The following GRAMD1B variants were observed in gnomAD, a reference collection of about 807,000 sequenced individuals.
GRAMD1B encodes GRAM domain containing 1B.
A neutral mutation model predicts 99.7 loss-of-function variants in GRAMD1B; 37 were observed. That is an observed-to-expected ratio of 0.37 (90% CI 0.29 to 0.49). GRAMD1B has a LOEUF of 0.49. Among genes scored for constraint, GRAMD1B ranks in the 20% least tolerant of loss-of-function variants. The pLI, the probability that GRAMD1B is intolerant of heterozygous loss-of-function variation, is 0.98. For missense variants in GRAMD1B, 888 were observed against 1,009.2 expected (o/e 0.88, Z 1.63); for synonymous variants, 427 against 387.6 (o/e 1.10, Z -1.19).
At chr11:123,619,419 A>G (rs1354693131) in intron 19 of GRAMD1B, 195 bp downstream of exon 19, 2 of 1,409,240 alleles carry the variant, frequency 1.4e-6, no homozygotes, top group Middle Eastern at 1.9e-4. Flanking sequence ...GGTGTATTCT[A>G]AAAAATAAGA....
In GRAMD1B at chr11:123,541,597, G is replaced by A. The variant is rs145399992; in HGVS notation, c.453-35770G>A. Among the ~76,000 whole-genome samples, 591 of 141,004 alleles carry A rather than the reference G, an allele frequency of 4.2e-3. 2 individuals carry two copies. The highest frequency in any genetic ancestry group is 0.015 in the African/African-American group (556 of 37,752). 92.5% of individuals were successfully genotyped at this position (141,004 alleles called of 152,430 possible). A position where few individuals can be genotyped will look rare whatever the true frequency, so the allele number is the denominator to read the frequency against. On this transcript the variant is annotated intron_variant, in intron 2 of 19. Coordinates refer to ENST00000635736, the MANE Select transcript of GRAMD1B (RefSeq NM_001387025.1). ...GTTGACTTGTTTGTCTTTTTTATTC[G>A]TTGGAACTCTTTAATAAAGATATTA...
Position 123,598,769 on chromosome 11 carries a change from T to C in GRAMD1B, c.970-1699T>C, listed in dbSNP as rs867501595. On this transcript the variant is annotated intron_variant, in intron 7 of 19. Coordinates refer to ENST00000635736, the MANE Select transcript of GRAMD1B (RefSeq NM_001387025.1). ...GAGCACTGCTTGTCTCTTTCGGCCATCCAGGAAAGATCCCATTCTCCCATT... is the reference window on the plus strand; with the variant it reads ...GAGCACTGCTTGTCTCTTTCGGCCACCCAGGAAAGATCCCATTCTCCCATT... The C allele has an allele frequency of 6.6e-5, 62 of 932,774 alleles. No homozygotes were observed. In the Middle Eastern group the frequency reaches 5.1e-3, roughly 77 times the overall value. 57.8% of individuals were successfully genotyped at this position (932,774 alleles called of 1,614,324 possible).
chr11:123,403,452 AT>A (rs1285340780), intron 1 of GRAMD1B, among the ~76,000 whole-genome samples: 736 of 49,460 alleles, frequency 0.015, 8 homozygotes, highest in African/African-American at 0.069. Context: ...GATGATGATA[AT>A]AATAATAATA....
chr11:123,498,004 C>G (rs1483829270), intron 2 of GRAMD1B, among the ~76,000 whole-genome samples: 5 of 152,156 alleles, frequency 3.3e-5, no homozygotes, highest in African/African-American at 1.2e-4. Context: ...GGAGCCTCTC[C>G]CTGTGGCCAC....
chr11:123,622,064 A>G (rs1955204909), intron 19 of GRAMD1B, among the ~76,000 whole-genome samples: 1 of 150,356 alleles, frequency 6.7e-6, no homozygotes, highest in African/African-American at 2.5e-5. Flanking sequence ...TCTGTTGCCC[A>G]GGCTGGAGTG....
intron 1 of GRAMD1B, among the ~76,000 whole-genome samples, chr11:123,421,961 ATTTTCATACATCAG>A (rs1948453498): frequency 1.3e-5 from 2 of 152,220 alleles, no homozygotes; most frequent in African/African-American, 4.8e-5. Flanking sequence ...TTAAATCTGT[ATTTTCATACATCAG>A]GATTGCTTAA....
chr11:123,495,387 C>G lies in GRAMD1B; in HGVS notation c.452+14494C>G, dbSNP rs374655295. ...ACAGCATGGAAGATAGGGTGTCCAT[C>G]CCCTCAAGCATGTATTCTTTGTGTT... On this transcript the variant is annotated intron_variant, in intron 2 of 19. Transcript: ENST00000635736. 9.9e-5 allele frequency among the ~76,000 whole-genome samples: 15 copies of G among 152,206 alleles called. No individual in the cohort carries two copies. The East Asian group carries it at 1.5e-3, about 16-fold the overall frequency.
intron 2 of GRAMD1B, among the ~76,000 whole-genome samples, chr11:123,520,752 C>T (rs1449526881): frequency 7.2e-6 from 1 of 138,570 alleles, no homozygotes; most frequent in African/African-American, 2.8e-5. Context: ...GCACTCCAGC[C>T]TGGGCAACAG....
chr11:123,525,707 C>T (rs1942647328), intron 2 of GRAMD1B: 2 of 194,860 alleles, frequency 1.0e-5, no homozygotes, highest in Non-Finnish European at 2.1e-5. Context: ...TTGTGCTCTC[C>T]TCCCAGGGTC....
chr11:123,414,619 G>A (rs112937951), intron 1 of GRAMD1B, among the ~76,000 whole-genome samples: 4 of 151,980 alleles, frequency 2.6e-5, no homozygotes, highest in South Asian at 2.1e-4. Context: ...CATAGCTCTC[G>A]CCACCTTCCA....
rs1533392 is a variant in GRAMD1B at position 123,623,132 on chromosome 11, G to A, written c.*537G>A. ...CCAGTCTAAACTCCTAGGGTTGGCC[G>A]CCCACTTGATCCAGACCGTACTGAG... On this transcript the variant is annotated 3_prime_UTR_variant, in exon 20 of 20. Coordinates refer to ENST00000635736, the MANE Select transcript of GRAMD1B (RefSeq NM_001387025.1). The A allele has an allele frequency of 0.24, 36,356 of 152,072 alleles. 5,032 individuals are homozygous for A. Among genetic ancestry groups the A allele is most frequent in the South Asian group, 0.36 (1,749 of 4,802 alleles). 9.4% of individuals were successfully genotyped at this position (152,072 alleles called of 1,614,324 possible).
chr11:123,435,639 C>T (rs1949124601), intron 1 of GRAMD1B: 2 of 537,882 alleles, frequency 3.7e-6, no homozygotes, highest in South Asian at 5.9e-5. Context: ...TGACCTCTTA[C>T]AGTGATCTAT....
At chr11:123,423,947 C>T (rs1280121030) in intron 1 of GRAMD1B, among the ~76,000 whole-genome samples, 2 of 152,100 alleles carry the variant, frequency 1.3e-5, no homozygotes, top group African/African-American at 4.8e-5. Flanking sequence ...CAATAAACGC[C>T]TCCTTTCTCC....
At chr11:123,562,304 T>A (rs933520419) in intron 2 of GRAMD1B, among the ~76,000 whole-genome samples, 1 of 152,180 alleles carries the variant, frequency 6.6e-6, no homozygotes, top group East Asian at 1.9e-4. Flanking sequence ...CAGCCCTTTC[T>A]CCCAATGGTT....
chr11:123,588,477 G>A (rs1312199781), intron 4 of GRAMD1B, among the ~76,000 whole-genome samples: 1 of 152,166 alleles, frequency 6.6e-6, no homozygotes, highest in Non-Finnish European at 1.5e-5. Context: ...CACTTGGCCT[G>A]TAGCAATACT....
At chr11:123,403,663 C>T (rs1947753325) in intron 1 of GRAMD1B, among the ~76,000 whole-genome samples, 1 of 151,658 alleles carries the variant, frequency 6.6e-6, no homozygotes, top group South Asian at 2.1e-4. Flanking sequence ...CCTGCCTCAG[C>T]CTCCCGAGTA....
Position 123,592,150 on chromosome 11 carries a change from A to G in GRAMD1B, c.685-1932A>G, listed in dbSNP as rs193172603. 3.9e-4 allele frequency among the ~76,000 whole-genome samples: 60 copies of G among 152,264 alleles called. No individual in the cohort carries two copies. The Middle Eastern group carries it at 0.01, about 26-fold the overall frequency. ...GGGGTCTCCTGGTCGGCTGCTCCTC[A>G]GGCTGACACTGGAACTCTGTAAGTA... On this transcript the variant is annotated intron_variant, in intron 4 of 19. Transcript: ENST00000635736.
At chr11:123,428,159 T>A (rs551398520), upstream of GRAMD1B, among the ~76,000 whole-genome samples, 201 of 152,272 alleles carry the variant, frequency 1.3e-3, no homozygotes, top group African/African-American at 4.5e-3. Context: ...ATCTTCTATG[T>A]CAAGAGCCCG....
chr11:123,368,275 A>AAAAAAAAAAAG (rs60644137), intron 1 of GRAMD1B, among the ~76,000 whole-genome samples: 13 of 127,106 alleles, frequency 1.0e-4, no homozygotes, highest in African/African-American at 2.6e-4. Flanking sequence ...AAAAAAAAAA[A>AAAAAAAAAAAG]AAAGAAAGAA....
Sources: allele counts gnomAD v4.1 joint callset (sites outside exome capture counted in the v4.1 genomes callset), GRCh38; gene constraint gnomAD v4.1.1; transcripts MANE v1.5; gene names NCBI Gene and HGNC (gene_info 2026-07-23, HGNC 2026-07-21).